Variants in DNM3 observed in about 807,000 individuals in gnomAD.
DNM3 encodes dynamin 3, also known as dynamin-3.
DNM3 carries 47 observed loss-of-function variants against 101.6 expected under a neutral mutation model. The observed-to-expected ratio is 0.46, with a 90% CI of 0.37 to 0.59. DNM3 has a LOEUF of 0.59. Among genes scored for constraint, DNM3 ranks in the 20% least tolerant of loss-of-function variants. The pLI, the probability that DNM3 is intolerant of heterozygous loss-of-function variation, is 0.00. For synonymous variants in DNM3, 385 were observed against 387.9 expected (o/e 0.99, Z 0.09); for missense variants, 849 against 1,085.7 (o/e 0.78, Z 3.06).
At chr1:172,242,417 G>C (rs961253640) in intron 14 of DNM3, among the ~76,000 whole-genome samples, 1 of 152,068 alleles carries the variant, frequency 6.6e-6, no homozygotes. Context: ...AGTAGAAAAG[G>C]TAGTCCTGTG....
intron 14 of DNM3, among the ~76,000 whole-genome samples, chr1:172,234,425 G>A (rs2061458031): frequency 6.6e-6 from 1 of 152,054 alleles, no homozygotes; most frequent in South Asian, 2.1e-4. Flanking sequence ...TCATGGATAG[G>A]AAGAATCAAT....
chr1:171,942,754 T>C (rs1474432322), intron 2 of DNM3, among the ~76,000 whole-genome samples: 1 of 152,194 alleles, frequency 6.6e-6, no homozygotes, highest in Non-Finnish European at 1.5e-5. Context: ...TCACTAAGTC[T>C]TCCTGGAGCT....
intron 19 of DNM3, 69 bp from the exon 20 acceptor site, chr1:172,388,504 A>G: frequency 7.4e-7 from 1 of 1,357,854 alleles, no homozygotes; most frequent in Non-Finnish European, 1.0e-6. Flanking sequence ...GGAAGTTACA[A>G]AACATTTTTA....
At chr1:171,874,208 T>C (rs2035553405) in intron 1 of DNM3, among the ~76,000 whole-genome samples, 1 of 152,260 alleles carries the variant, frequency 6.6e-6, no homozygotes, top group Admixed American at 6.5e-5. Flanking sequence ...GATATTAAAA[T>C]GGGATGTCAC....
chr1:171,935,408 T>G (rs1275226884), intron 2 of DNM3, among the ~76,000 whole-genome samples: 1 of 152,170 alleles, frequency 6.6e-6, no homozygotes, highest in Non-Finnish European at 1.5e-5. Flanking sequence ...GGCTTCTTTT[T>G]TATTAATAAA....
At chr1:172,095,661 A>T (rs909646011) in intron 13 of DNM3, among the ~76,000 whole-genome samples, 1 of 152,084 alleles carries the variant, frequency 6.6e-6, no homozygotes, top group Non-Finnish European at 1.5e-5. Flanking sequence ...ACTCTGCAGC[A>T]TCCTAGGAAG....
chr1:172,166,628 G>T (rs151195145), intron 14 of DNM3, among the ~76,000 whole-genome samples: 2 of 152,110 alleles, frequency 1.3e-5, no homozygotes, highest in African/African-American at 4.8e-5. Flanking sequence ...CGCAAGCAAG[G>T]TGCCTAGAAC....
rs866944959 is a variant in DNM3 at position 172,024,040 on chromosome 1, C to A, written c.590-8362C>A. On this transcript the variant is annotated intron_variant, in intron 4 of 20. Transcript: ENST00000627582. Reference sequence around the variant, plus strand: ...CCATGAATGCAATAAGTTCTCCTTTCTCTCAGAATATTAGTAAAAATGATC... The same window carrying A: ...CCATGAATGCAATAAGTTCTCCTTTATCTCAGAATATTAGTAAAAATGATC... 3.9e-5 allele frequency among the ~76,000 whole-genome samples: 6 copies of A among 152,088 alleles called. No homozygotes were observed. The Middle Eastern group carries it at 0.01, about 259-fold the overall frequency.
At chr1:171,896,876 A>G (rs2037856628) in intron 1 of DNM3, among the ~76,000 whole-genome samples, 1 of 152,172 alleles carries the variant, frequency 6.6e-6, no homozygotes, top group Non-Finnish European at 1.5e-5. Flanking sequence ...TTAACAATGA[A>G]TTAAAAACTT....
chr1:172,253,486 C>G, intron 14 of DNM3, 87 bp from the exon 15 acceptor site: 1 of 875,154 alleles, frequency 1.1e-6, no homozygotes, highest in African/African-American at 1.8e-5. Flanking sequence ...AGTCAATTTT[C>G]TGTCTCTCCT....
chr1:172,231,610 T>C (rs1281579574), intron 14 of DNM3, among the ~76,000 whole-genome samples: 1 of 152,100 alleles, frequency 6.6e-6, no homozygotes, highest in African/African-American at 2.4e-5. Flanking sequence ...CTTTGACAAG[T>C]TGGGAGAAGA....
chr1:172,147,208 A>G lies in DNM3; in HGVS notation c.1659+15920A>G, dbSNP rs568108984. Among the ~76,000 whole-genome samples the G allele has an allele frequency of 1.9e-4, 29 of 152,246 alleles. No individual in the cohort carries two copies. In the East Asian group the frequency reaches 5.0e-3, roughly 26 times the overall value. On this transcript the variant is annotated intron_variant, in intron 14 of 20. Transcript: ENST00000627582. ...CCTGACTCCTGCCCTCAAAAAGCTC[A>G]CACTTACATAAAAAGTTAGGAATAC...
chr1:172,317,416 A>C (rs556509446), intron 16 of DNM3, among the ~76,000 whole-genome samples: 5 of 152,228 alleles, frequency 3.3e-5, no homozygotes, highest in Admixed American at 1.3e-4. Flanking sequence ...AATAGAGACA[A>C]AAAAAATCCT....
At chr1:172,062,640 A>C (rs1299143330) in intron 10 of DNM3, among the ~76,000 whole-genome samples, 3 of 151,942 alleles carry the variant, frequency 2.0e-5, no homozygotes, top group African/African-American at 7.3e-5. Flanking sequence ...GGGATCTGGC[A>C]CTCCTTTTCC....
Position 171,968,192 on chromosome 1 carries a change from C to T in DNM3, c.236-19464C>T, listed in dbSNP as rs549759626. On this transcript the variant is annotated intron_variant, in intron 2 of 20. Coordinates refer to ENST00000627582, the MANE Select transcript of DNM3 (RefSeq NM_015569.5). The stretch of plus-strand genomic sequence containing the variant: ...CTGTTGTGAGTTCAAAGTACTTTCT[C>T]TGCTATTGAGGCTTCTAATCAGTAT... 9.3e-4 allele frequency among the ~76,000 whole-genome samples: 141 copies of T among 152,304 alleles called. 1 individual carries two copies. The South Asian group carries it at 0.026, about 28-fold the overall frequency.
chr1:171,992,682 C>T (rs1433601470), intron 4 of DNM3, among the ~76,000 whole-genome samples: 2 of 151,808 alleles, frequency 1.3e-5, no homozygotes, highest in Non-Finnish European at 2.9e-5. Context: ...TATGGTGGTC[C>T]CAAGAGGAGA....
In DNM3 at chr1:172,030,353, T is replaced by C. The variant is rs558708459; in HGVS notation, c.590-2049T>C. Among the ~76,000 whole-genome samples the C allele has an allele frequency of 5.3e-5, 8 of 152,244 alleles. No individual in the cohort carries two copies. The East Asian group carries it at 1.5e-3, about 29-fold the overall frequency. On this transcript the variant is annotated intron_variant, in intron 4 of 20. Transcript: ENST00000627582. ...TGGTGTTGGGAAAACTGGCTAGCCA[T>C]ATGCAGAAAACTGAAACTGGACCCC...
chr1:172,020,717 C>G (rs1017850076), intron 4 of DNM3, among the ~76,000 whole-genome samples: 3 of 70,332 alleles, frequency 4.3e-5, no homozygotes, highest in Admixed American at 1.4e-4. Flanking sequence ...GTGTGAGACT[C>G]CGTCAAAAAA....
At chr1:172,161,827 G>A (rs2058556761) in intron 14 of DNM3, among the ~76,000 whole-genome samples, 1 of 152,034 alleles carries the variant, frequency 6.6e-6, no homozygotes, top group Admixed American at 6.6e-5. Flanking sequence ...CATAGATTGA[G>A]CAAAAGAATG....
Sources: allele counts gnomAD v4.1 joint callset (sites outside exome capture counted in the v4.1 genomes callset), GRCh38; gene constraint gnomAD v4.1.1; transcripts MANE v1.5; gene names NCBI Gene and HGNC (gene_info 2026-07-23, HGNC 2026-07-21).